Variants in ARL6 observed in about 807,000 individuals in gnomAD.
The protein encoded by ARL6 is ADP-ribosylation factor-like protein 6.
A neutral mutation model predicts 27.1 loss-of-function variants in ARL6; 18 were observed. That is an observed-to-expected ratio of 0.66 (90% CI 0.46 to 0.98). The LOEUF (loss-of-function observed/expected upper bound fraction) is 0.98. ARL6 is among the 50% of genes least tolerant of loss of function. ARL6 has a pLI of 0.00. For synonymous variants in ARL6, 65 were observed against 72.3 expected, an observed-to-expected ratio of 0.90 and a Z score of 0.51; for missense variants, 187 against 214.9, an observed-to-expected ratio of 0.87 and a Z score of 0.81.
At chr3:97,788,223 G>T in intron 6 of ARL6, 104 bp downstream of exon 6, 3 of 1,207,056 alleles carry the variant, frequency 2.5e-6, no homozygotes, top group Non-Finnish European at 3.5e-6. Context: ...ATCAAACATG[G>T]TGGCATATAA....
intron 6 of ARL6, among the ~76,000 whole-genome samples, chr3:97,788,920 T>A (rs2037591225): frequency 6.6e-6 from 1 of 152,120 alleles, no homozygotes; most frequent in African/African-American, 2.4e-5. Context: ...CTCTCTGCTG[T>A]AAGAGGTCCT....
At chr3:97,793,044 G>C (rs1216223446) in intron 7 of ARL6, among the ~76,000 whole-genome samples, 1 of 152,042 alleles carries the variant, frequency 6.6e-6, no homozygotes, top group African/African-American at 2.4e-5. Context: ...AGAGTAGCCT[G>C]CCTGCTCATA....
At chr3:97,797,422 C>G (rs1042747043) in intron 7 of ARL6, among the ~76,000 whole-genome samples, 1 of 152,028 alleles carries the variant, frequency 6.6e-6, no homozygotes, top group African/African-American at 2.4e-5. Flanking sequence ...ATAGCATTTA[C>G]AGAGTCATCA....
At chr3:97,769,170 G>A (rs1428541780) in intron 2 of ARL6, among the ~76,000 whole-genome samples, 1 of 152,004 alleles carries the variant, frequency 6.6e-6, no homozygotes, top group Non-Finnish European at 1.5e-5. Context: ...TAGGTAAGTA[G>A]TTCTTTCCTG....
At chr3:97,770,568 C>T (rs2107989735) in intron 2 of ARL6, among the ~76,000 whole-genome samples, 1 of 152,066 alleles carries the variant, frequency 6.6e-6, no homozygotes, top group Admixed American at 6.6e-5. Flanking sequence ...TCTATTTTTG[C>T]TTTTGTTACA....
chr3:97,773,124 C>T (rs1468002980), intron 2 of ARL6, among the ~76,000 whole-genome samples: 1 of 152,094 alleles, frequency 6.6e-6, no homozygotes, highest in Non-Finnish European at 1.5e-5. Context: ...TCACAAGGCT[C>T]CACAATAGTC....
chr3:97,772,419 A>G lies in ARL6; in HGVS notation c.123+4189A>G, dbSNP rs1202244745. 1.7e-4 allele frequency among the ~76,000 whole-genome samples: 26 copies of G among 149,216 alleles called. 1 individual carries two copies. Among genetic ancestry groups the G allele is most frequent in the Admixed American group, 1.7e-3 (26 of 15,044 alleles). On this transcript the variant is annotated intron_variant, in intron 2 of 7. Coordinates refer to ENST00000463745, the MANE Select transcript of ARL6 (RefSeq NM_001278293.3). ...TATTTGGATCCTCTTTTTTTTTCCT[A>G]GTTTATCTAATGTCTTCTCAATTTT...
chr3:97,793,030 T>C (rs2037821203), intron 7 of ARL6, among the ~76,000 whole-genome samples: 1 of 152,194 alleles, frequency 6.6e-6, no homozygotes, highest in African/African-American at 2.4e-5. Context: ...TCATGGTAGA[T>C]CTAAGAGTAG....
chr3:97,779,361 A>T (rs1284262151), intron 2 of ARL6, among the ~76,000 whole-genome samples: 2 of 151,976 alleles, frequency 1.3e-5, no homozygotes, highest in African/African-American at 4.8e-5. Context: ...GATGGCCCCT[A>T]CTCAGAGAGA....
chr3:97,776,481 A>T (rs540844353), intron 2 of ARL6, among the ~76,000 whole-genome samples: 1 of 151,554 alleles, frequency 6.6e-6, no homozygotes, highest in South Asian at 2.1e-4. Flanking sequence ...CATTTAGTTA[A>T]TTTTTCTCTT....
At chr3:97,769,490 G>A (rs76171735) in intron 2 of ARL6, among the ~76,000 whole-genome samples, 5,868 of 152,086 alleles carry the variant, frequency 0.039, 208 homozygotes, top group African/African-American at 0.095. Context: ...ATAAATCAGA[G>A]TCACTGGGAT....
intron 2 of ARL6, among the ~76,000 whole-genome samples, chr3:97,774,234 GAGTGT>G (rs1237631669): frequency 1.3e-5 from 2 of 152,132 alleles, no homozygotes; most frequent in Non-Finnish European, 2.9e-5. Flanking sequence ...AGTTCTTTTT[GAGTGT>G]AGTGCACCAC....
At chr3:97,768,773 C>T (rs1322974547) in intron 2 of ARL6, among the ~76,000 whole-genome samples, 1 of 152,062 alleles carries the variant, frequency 6.6e-6, no homozygotes, top group Non-Finnish European at 1.5e-5. Flanking sequence ...GGCACCAATT[C>T]CTGAGCCTTT....
chr3:97,771,219 T>C (rs1165640675), intron 2 of ARL6, among the ~76,000 whole-genome samples: 1 of 152,028 alleles, frequency 6.6e-6, no homozygotes, highest in Admixed American at 6.5e-5. Context: ...ATAGTTTTAA[T>C]TGTAGAGATC....
At chr3:97,785,079 T>C (rs1287903821) in intron 5 of ARL6, 30 bp downstream of exon 5, 1 of 1,532,722 alleles carries the variant, frequency 6.5e-7, no homozygotes, top group East Asian at 2.3e-5. Context: ...TCTGTATCTG[T>C]TCTTTGGGGT....
At chr3:97,772,082 G>A (rs986058728) in intron 2 of ARL6, among the ~76,000 whole-genome samples, 1 of 152,010 alleles carries the variant, frequency 6.6e-6, no homozygotes, top group East Asian at 1.9e-4. Flanking sequence ...TTACTTTTTG[G>A]GATCGTTTGA....
chr3:97,790,051 TTGTGTGTGTGTGTGTGTGTGTG>T (rs3058067), intron 6 of ARL6, among the ~76,000 whole-genome samples: 3 of 137,068 alleles, frequency 2.2e-5, no homozygotes, highest in Non-Finnish European at 4.7e-5. Flanking sequence ...GGCATCATGA[TTGTGTGTGTGTGTGTGTGTGTG>T]TGTGTGTGTG....
chr3:97,775,781 A>G (rs1265150236), intron 2 of ARL6, among the ~76,000 whole-genome samples: 3 of 152,134 alleles, frequency 2.0e-5, no homozygotes, highest in Non-Finnish European at 4.4e-5. Flanking sequence ...GTTTTATTCC[A>G]TTGTGGTTAG....
intron 2 of ARL6, among the ~76,000 whole-genome samples, chr3:97,769,072 T>G (rs535903378): frequency 1.3e-5 from 2 of 152,206 alleles, no homozygotes; most frequent in South Asian, 4.1e-4. Context: ...AAATGTACAA[T>G]GCTGTGATAG....
Sources: gnomAD v4.1 joint callset for allele counts (sites outside exome capture counted in the v4.1 genomes callset) on GRCh38, gnomAD v4.1.1 for gene constraint, MANE v1.5 for transcripts, NCBI Gene and HGNC (gene_info 2026-07-23, HGNC 2026-07-21) for gene names.